The following FBXW4 variants were observed in gnomAD, a reference collection of about 807,000 sequenced individuals.
The protein encoded by FBXW4 is F-box/WD repeat-containing protein 4.
Under a neutral mutation model 61.8 loss-of-function variants are expected in FBXW4, and 40 were observed. The observed-to-expected ratio is 0.65, with a 90% CI of 0.50 to 0.84. The LOEUF is 0.84. Ranked by LOEUF, FBXW4 falls within the 40% of genes least tolerant of loss-of-function variation. FBXW4 has a pLI of 0.00. For synonymous variants in FBXW4, 311 were observed against 313.8 expected, an observed-to-expected ratio of 0.99 and a Z score of 0.10; for missense variants, 672 against 753.8, an observed-to-expected ratio of 0.89 and a Z score of 1.27.
intron 5 of FBXW4, among the ~76,000 whole-genome samples, chr10:101,630,887 A>T (rs906042327): frequency 6.6e-6 from 1 of 152,206 alleles, no homozygotes; most frequent in Non-Finnish European, 1.5e-5. Context: ...GGAAACATCC[A>T]CCTGAATGCC....
In FBXW4 at chr10:101,695,157, C is replaced by T. The variant is rs2064663673; in HGVS notation, c.-52G>A. 3 of 985,256 alleles carry T rather than the reference C, an allele frequency of 3.0e-6. No individual in the cohort carries two copies. Among genetic ancestry groups the T allele is most frequent in the South Asian group, 9.4e-5 (2 of 21,328 alleles). The allele number at this position is 985,256 out of a possible 1,614,324, so 61.0% of individuals were successfully genotyped here. A position where few individuals can be genotyped will look rare whatever the true frequency, so the allele number is the denominator to read the frequency against. On this transcript the variant is annotated 5_prime_UTR_variant, in exon 1 of 9. Coordinates refer to ENST00000331272, the MANE Select transcript of FBXW4 (RefSeq NM_022039.4). The surrounding 1 kb of genome is among the most constrained non-coding windows in gnomAD (Gnocchi z 4.2). ...GGAGCCCAGCCCGAGCCGCCACCGCCGCCGCCCCGGGAGGAGGCGACACCA... is the reference window on the plus strand; with the variant it reads ...GGAGCCCAGCCCGAGCCGCCACCGCTGCCGCCCCGGGAGGAGGCGACACCA...
At chr10:101,687,649 T>G (rs2064547672) in intron 1 of FBXW4, among the ~76,000 whole-genome samples, 1 of 152,082 alleles carries the variant, frequency 6.6e-6, no homozygotes, top group African/African-American at 2.4e-5. Context: ...CACTATAATT[T>G]CCCATCCCTG....
chr10:101,680,594 C>T (rs759679770), intron 1 of FBXW4, among the ~76,000 whole-genome samples: 4 of 152,134 alleles, frequency 2.6e-5, no homozygotes, highest in Non-Finnish European at 5.9e-5. Flanking sequence ...AAACATCCCC[C>T]AAGAATAGTT....
chr10:101,653,312 C>T (rs1480755955), intron 5 of FBXW4, among the ~76,000 whole-genome samples: 1 of 152,162 alleles, frequency 6.6e-6, no homozygotes, highest in East Asian at 1.9e-4. Context: ...TATGCTGTAG[C>T]ACAACATAAA....
At chr10:101,656,920 C>T (rs757777028) in intron 5 of FBXW4, among the ~76,000 whole-genome samples, 4 of 152,178 alleles carry the variant, frequency 2.6e-5, no homozygotes, top group Non-Finnish European at 4.4e-5. Context: ...ACCTGTCCCC[C>T]CTACACTTTT....
intron 6 of FBXW4, among the ~76,000 whole-genome samples, chr10:101,614,344 G>A (rs545309548): frequency 4.6e-5 from 7 of 152,202 alleles, no homozygotes; most frequent in Non-Finnish European, 1.0e-4. Flanking sequence ...TGGTCCCTGG[G>A]TTCAGAGGGA....
rs751837994 is a variant in FBXW4, at chr10:101,673,639, G to A, written c.856C>T (p.Leu286=). 1 of 1,614,136 alleles carries A rather than the reference G, an allele frequency of 6.2e-7. No homozygotes were observed. Among genetic ancestry groups the A allele is most frequent in the African/African-American group, 1.3e-5 (1 of 75,058 alleles). Residue 286 remains leucine (L), a synonymous_variant, in exon 3 of 9, where the codon CTG becomes TTG. Transcript: ENST00000331272. ...ATGAAATTAGCCTGGGATATGTACA[G>A]AGAATCATCCTCTAGCTGCATCCAG... ...MPWMQLEDDS[L]YISQANFILA... is the part of the protein sequence containing the mutation.
rs1451394459 is a variant in FBXW4 at position 101,611,581 on chromosome 10, A to T, written c.1584+47T>A. The T allele has an allele frequency of 4.4e-6, 7 of 1,605,712 alleles. No homozygotes were observed. The highest frequency in any genetic ancestry group is 6.0e-6 in the Non-Finnish European group (7 of 1,174,152). On this transcript the variant is annotated intron_variant, in intron 8 of 8. Transcript: ENST00000331272. The surrounding 1 kb of genome is among the most constrained non-coding windows in gnomAD (Gnocchi z 4.9). ...TCACCCTCTCCCAAATGCAGCCCAT[A>T]ATCATGAGTCCTGGCATGCTGGAGA...
intron 5 of FBXW4, among the ~76,000 whole-genome samples, chr10:101,648,513 C>T (rs568924541): frequency 6.6e-6 from 1 of 152,252 alleles, no homozygotes; most frequent in African/African-American, 2.4e-5. Context: ...TCCGGGGCTG[C>T]AGCAGTGGCA....
At chr10:101,671,397 A>T (rs946111343) in intron 4 of FBXW4, among the ~76,000 whole-genome samples, 6 of 152,240 alleles carry the variant, frequency 3.9e-5, no homozygotes, top group African/African-American at 1.4e-4. Flanking sequence ...AGATCTTTTT[A>T]AAAATCTAAG....
chr10:101,677,229 T>C (rs1333302814), intron 1 of FBXW4, among the ~76,000 whole-genome samples: 4 of 152,182 alleles, frequency 2.6e-5, no homozygotes, highest in Non-Finnish European at 4.4e-5. Flanking sequence ...AGAATGTTCA[T>C]AGGAATTTCA....
At chr10:101,680,731 G>GCAGGTA (rs2064466136) in intron 1 of FBXW4, among the ~76,000 whole-genome samples, 1 of 152,218 alleles carries the variant, frequency 6.6e-6, no homozygotes, top group Admixed American at 6.5e-5. Context: ...AGCACATTCA[G>GCAGGTA]CAGGTACAGT....
intron 6 of FBXW4, among the ~76,000 whole-genome samples, chr10:101,616,723 C>T (rs1358493532): frequency 6.6e-6 from 1 of 152,252 alleles, no homozygotes; most frequent in Non-Finnish European, 1.5e-5. Flanking sequence ...TGGGAGTGTG[C>T]TGGCAGGGTC....
chr10:101,643,124 T>C (rs1234885131), intron 5 of FBXW4, among the ~76,000 whole-genome samples: 1 of 152,222 alleles, frequency 6.6e-6, no homozygotes, highest in African/African-American at 2.4e-5. Flanking sequence ...CAAGAAAGCA[T>C]GTGTCCGCCC....
chr10:101,688,148 A>C (rs757074354), intron 1 of FBXW4, among the ~76,000 whole-genome samples: 12 of 152,252 alleles, frequency 7.9e-5, no homozygotes, highest in Non-Finnish European at 1.6e-4. Flanking sequence ...AACTCCTATG[A>C]TTCTTTGACC....
intron 1 of FBXW4, among the ~76,000 whole-genome samples, chr10:101,693,093 G>A (rs1477940310): frequency 2.0e-5 from 3 of 152,144 alleles, no homozygotes; most frequent in Admixed American, 2.0e-4. Flanking sequence ...CCCAGCCAGT[G>A]GTAAAAGAGA....
intron 5 of FBXW4, among the ~76,000 whole-genome samples, chr10:101,637,852 G>A (rs1044137674): frequency 5.9e-5 from 9 of 152,028 alleles, no homozygotes; most frequent in East Asian, 3.8e-4. Context: ...GACCCCAGCC[G>A]TGTGGTCTGC....
At chr10:101,637,486 T>A (rs2064014417) in intron 5 of FBXW4, among the ~76,000 whole-genome samples, 1 of 146,048 alleles carries the variant, frequency 6.8e-6, no homozygotes, top group Non-Finnish European at 1.5e-5. Flanking sequence ...GGCGGGCAGA[T>A]CACTTGAGGC....
At position 101,673,545 on chromosome 10, in the gene FBXW4, T is replaced by C. The variant is rs1381148518; in HGVS notation, c.950A>G (p.His317Arg). 2 of 1,613,876 alleles carry C rather than the reference T, an allele frequency of 1.2e-6. No homozygotes were observed. The highest frequency in any genetic ancestry group is 2.7e-5 in the African/African-American group (2 of 74,924). Reference protein sequence around the residue: ...NRRPLGVFAGHDEDVCHFVLA... With the variant: ...NRRPLGVFAGRDEDVCHFVLA... ...CACAAAGTGGCAAACGTCCTCATCA[T>C]GCCCAGCAAAGACTCCCAGAGGCCG... The change falls in exon 3 of 9, where the codon CAT (histidine) becomes CGT (arginine). Residue 317 changes from histidine (H) to arginine (R), a missense_variant. His to Arg is a conservative substitution (Grantham distance 29). Transcript: ENST00000331272.
Sources: allele counts gnomAD v4.1 joint callset (sites outside exome capture counted in the v4.1 genomes callset), GRCh38; gene constraint gnomAD v4.1.1; non-coding constraint Gnocchi (gnomAD v3.1); transcripts MANE v1.5; gene names NCBI Gene and HGNC (gene_info 2026-07-23, HGNC 2026-07-21).